Variants in EHMT1 observed in about 807,000 individuals in gnomAD.
EHMT1 encodes the protein euchromatic histone lysine methyltransferase 1.
In EHMT1, 15 loss-of-function variants were observed where a neutral mutation model predicts 147.2. That is an observed-to-expected ratio of 0.10 (90% CI 0.07 to 0.16). The LOEUF (loss-of-function observed/expected upper bound fraction) is 0.16. Ranked by LOEUF, EHMT1 falls within the 10% of genes least tolerant of loss-of-function variation. The pLI, the probability that EHMT1 is intolerant of heterozygous loss-of-function variation, is 1.00. For missense variants in EHMT1, 1,587 were observed against 1,772.4 expected, an observed-to-expected ratio of 0.90 and a Z score of 1.88; for synonymous variants, 795 against 709.6, an observed-to-expected ratio of 1.12 and a Z score of -1.91.
chr9:137,645,872 G>A (rs1343692444), intron 1 of EHMT1, among the ~76,000 whole-genome samples: 2 of 151,588 alleles, frequency 1.3e-5, no homozygotes, highest in African/African-American at 2.4e-5. Context: ...CACTCTTTTG[G>A]TACTAATTAT....
Position 137,776,468 on chromosome 9 carries a change from G to A in EHMT1, c.1792-150G>A. On this transcript the variant is annotated intron_variant, in intron 11 of 26. Coordinates refer to ENST00000460843, the MANE Select transcript of EHMT1 (RefSeq NM_024757.5). The surrounding 1 kb of genome is among the most constrained non-coding windows in gnomAD (Gnocchi z 4.4). ...AGCATCGTTCCTCCTTCTTAACGAT[G>A]CCTGGGGCCAAGACTGGACCCCACC... 1.4e-6 allele frequency: 1 copy of A among 705,448 alleles called. No individual in the cohort carries two copies. The highest frequency in any genetic ancestry group is 2.4e-6 in the Non-Finnish European group (1 of 408,342). The allele number at this position is 705,448 out of a possible 1,614,324, so 43.7% of individuals were successfully genotyped here.
At chr9:137,735,195 G>GT (rs978402821) in intron 4 of EHMT1, among the ~76,000 whole-genome samples, 3 of 152,154 alleles carry the variant, frequency 2.0e-5, no homozygotes, top group Non-Finnish European at 4.4e-5. Flanking sequence ...TAAACGAATT[G>GT]TTTATGTTTT....
chr9:137,735,847 A>G (rs1947486690), intron 4 of EHMT1, among the ~76,000 whole-genome samples: 1 of 152,194 alleles, frequency 6.6e-6, no homozygotes, highest in Non-Finnish European at 1.5e-5. Context: ...TTCTCTCACC[A>G]TGTGATCGCT....
At chr9:137,773,689 C>T (rs1950739331) in intron 10 of EHMT1, among the ~76,000 whole-genome samples, 1 of 152,170 alleles carries the variant, frequency 6.6e-6, no homozygotes, top group South Asian at 2.1e-4. Flanking sequence ...GAAGTTTGGA[C>T]AGAACTCACA....
intron 3 of EHMT1, among the ~76,000 whole-genome samples, chr9:137,718,817 G>A (rs1259485631): frequency 4.0e-5 from 6 of 148,358 alleles, no homozygotes; most frequent in Non-Finnish European, 8.9e-5. Context: ...GTGAAATGGC[G>A]CGATCTCAGC....
rs371878015 is a variant in EHMT1 at position 137,809,957 on chromosome 9, T to C, written c.2713-1504T>C. Among the ~76,000 whole-genome samples the C allele has an allele frequency of 1.8e-3, 174 of 94,502 alleles. 24 individuals are homozygous for C. Among genetic ancestry groups the C allele is most frequent in the African/African-American group, 0.014 (141 of 10,216 alleles). The allele number at this position is 94,502 out of a possible 152,430, so 62.0% of individuals were successfully genotyped here. ...TCCGGAGGTGGTTCCGATGCCGCCC[T>C]GTGTGGACCGTCGGTGATGGGTCCG... On this transcript the variant is annotated intron_variant, in intron 18 of 26. Transcript: ENST00000460843.
intron 1 of EHMT1, among the ~76,000 whole-genome samples, chr9:137,667,747 T>C (rs1257288839): frequency 1.3e-5 from 2 of 152,190 alleles, no homozygotes; most frequent in Non-Finnish European, 2.9e-5. Flanking sequence ...GGAAATTGTC[T>C]ACAGTGAAAG....
chr9:137,668,191 G>A (rs909799586), intron 1 of EHMT1, among the ~76,000 whole-genome samples: 1 of 152,150 alleles, frequency 6.6e-6, no homozygotes, highest in African/African-American at 2.4e-5. Context: ...GGCTTTGGGC[G>A]CCAGCTGTCT....
In EHMT1 at chr9:137,776,601, T is replaced by C. The variant is rs1278376750; in HGVS notation, c.1792-17T>C. On this transcript the variant is annotated splice_polypyrimidine_tract_variant and intron_variant, in intron 11 of 26. Coordinates refer to ENST00000460843, the MANE Select transcript of EHMT1 (RefSeq NM_024757.5). The surrounding 1 kb of genome is among the most constrained non-coding windows in gnomAD (Gnocchi z 4.4). ...CCCAATTAAAACAAAAATTTTTTTTTGTCCTCCCATTTTTAGGGTAATTTT... is the reference window on the plus strand; with the variant it reads ...CCCAATTAAAACAAAAATTTTTTTTCGTCCTCCCATTTTTAGGGTAATTTT... The C allele has an allele frequency of 6.2e-7, 1 of 1,613,898 alleles. No homozygotes were observed. Among genetic ancestry groups the C allele is most frequent in the East Asian group, 2.2e-5 (1 of 44,878 alleles).
chr9:137,651,432 C>T (rs1326741367), intron 1 of EHMT1, among the ~76,000 whole-genome samples: 1 of 151,994 alleles, frequency 6.6e-6, no homozygotes, highest in Non-Finnish European at 1.5e-5. Flanking sequence ...AGTCACAGGC[C>T]ACATAATGAT....
chr9:137,779,104 A>G (rs542537796), intron 13 of EHMT1, among the ~76,000 whole-genome samples: 3 of 152,242 alleles, frequency 2.0e-5, no homozygotes, highest in South Asian at 4.1e-4. Flanking sequence ...TCACATTTCA[A>G]CGTGAGTTTT....
At chr9:137,789,461 G>C (rs1388404723) in intron 15 of EHMT1, among the ~76,000 whole-genome samples, 1 of 152,208 alleles carries the variant, frequency 6.6e-6, no homozygotes, top group Non-Finnish European at 1.5e-5. Context: ...TCTCTACCTC[G>C]TTTTGTGTTT....
intron 1 of EHMT1, among the ~76,000 whole-genome samples, chr9:137,648,517 G>A (rs1294899719): frequency 6.8e-6 from 1 of 147,430 alleles, no homozygotes; most frequent in African/African-American, 2.5e-5. Context: ...AAATAGTTGG[G>A]CATGGTGCCT....
intron 4 of EHMT1, among the ~76,000 whole-genome samples, chr9:137,737,800 GGA>G (rs1947671536): frequency 1.3e-5 from 2 of 152,140 alleles, no homozygotes; most frequent in Admixed American, 1.3e-4. Context: ...CTGTGGAGTA[GGA>G]GAAAATATCT....
chr9:137,754,447 A>G (rs1366663060), intron 8 of EHMT1, among the ~76,000 whole-genome samples, 156 bp downstream of exon 8: 1 of 152,190 alleles, frequency 6.6e-6, no homozygotes, highest in African/African-American at 2.4e-5. Context: ...GAGAAACTCA[A>G]GTGATTCTAA....
rs913989705 is a variant in EHMT1 at position 137,826,250 on chromosome 9, T to G, written c.3541-8099T>G. Among the ~76,000 whole-genome samples the G allele has an allele frequency of 7.2e-5, 11 of 152,366 alleles. No individual in the cohort carries two copies. In the South Asian group the frequency reaches 2.3e-3, roughly 32 times the overall value. On this transcript the variant is annotated intron_variant, in intron 25 of 26. Coordinates refer to ENST00000460843, the MANE Select transcript of EHMT1 (RefSeq NM_024757.5). ...CCAGCATCTGGCATCTCTGTAGGTC[T>G]GTTTCTAGCATCTGTTTTGCTGCTT...
At chr9:137,625,840 A>G (rs528524492) in intron 1 of EHMT1, among the ~76,000 whole-genome samples, 1 of 149,942 alleles carries the variant, frequency 6.7e-6, no homozygotes. Flanking sequence ...TTATATATAT[A>G]TTTTTTGTTT....
chr9:137,704,377 C>A (rs1306514794), intron 1 of EHMT1, among the ~76,000 whole-genome samples: 1 of 152,142 alleles, frequency 6.6e-6, no homozygotes, highest in African/African-American at 2.4e-5. Context: ...CAAGCAGGAC[C>A]AAGACCGGAG....
chr9:137,743,793 C>A, intron 5 of EHMT1, 109 bp from the exon 6 acceptor site: 1 of 1,359,332 alleles, frequency 7.4e-7, no homozygotes, highest in Non-Finnish European at 1.0e-6. Flanking sequence ...GTCCCCGCCT[C>A]CCCACAGGCC....
Sources: allele counts gnomAD v4.1 joint callset (sites outside exome capture counted in the v4.1 genomes callset), GRCh38; gene constraint gnomAD v4.1.1; non-coding constraint Gnocchi (gnomAD v3.1); transcripts MANE v1.5; gene names NCBI Gene and HGNC (gene_info 2026-07-23, HGNC 2026-07-21).